RCOR1: variants seen among roughly 807,000 people sequenced by gnomAD.
RCOR1 encodes the protein REST corepressor.
RCOR1 carries 12 observed loss-of-function variants against 64.0 expected under a neutral mutation model. The observed-to-expected ratio is 0.19, with a 90% confidence interval of 0.12 to 0.30. The LOEUF (loss-of-function observed/expected upper bound fraction) is 0.30. RCOR1 is among the 10% of genes least tolerant of loss of function. RCOR1 has a pLI of 1.00. For missense variants in RCOR1, 502 were observed against 621.2 expected, an observed-to-expected ratio of 0.81 and a Z score of 2.04; for synonymous variants, 279 against 227.2, an observed-to-expected ratio of 1.23 and a Z score of -2.05.
Position 102,729,841 on chromosome 14 carries a change from A to G in RCOR1, c.*3335A>G, listed in dbSNP as rs1028462251. On this transcript the variant is annotated 3_prime_UTR_variant, in exon 12 of 12. Transcript: ENST00000262241. ...TGTGAGCTAAGGAAAGATGGAGCCA[A>G]CTCCAACGAGGGCCTCTTTTTCTCT... The G allele has an allele frequency of 3.8e-5, 15 of 398,862 alleles. No homozygotes were observed. Among genetic ancestry groups the G allele is most frequent in the Admixed American group, 3.1e-4 (7 of 22,706 alleles). The allele number at this position is 398,862 out of a possible 1,614,324, so 24.7% of individuals were successfully genotyped here. A position where few individuals can be genotyped will look rare whatever the true frequency, so the allele number is the denominator to read the frequency against.
intron 2 of RCOR1, chr14:102,662,530 A>G (rs1595218389): frequency 2.0e-6 from 1 of 500,790 alleles, no homozygotes; most frequent in Admixed American, 2.1e-5. Flanking sequence ...TCTTCTGAGG[A>G]TATTTGGGCT....
chr14:102,596,127 G>GT (rs900902788), intron 2 of RCOR1, among the ~76,000 whole-genome samples: 1 of 150,820 alleles, frequency 6.6e-6, no homozygotes, highest in Non-Finnish European at 1.5e-5. Flanking sequence ...TTAATACGGA[G>GT]TTTCACTCTT....
At chr14:102,677,813 G>A (rs1203872475) in intron 2 of RCOR1, among the ~76,000 whole-genome samples, 1 of 150,782 alleles carries the variant, frequency 6.6e-6, no homozygotes, top group Non-Finnish European at 1.5e-5. Flanking sequence ...GCTGGGCAGA[G>A]GCTGCAATCT....
intron 10 of RCOR1, 49 bp downstream of exon 10, chr14:102,721,426 C>CA: frequency 7.2e-7 from 1 of 1,395,858 alleles, no homozygotes; most frequent in Non-Finnish European, 1.0e-6. Context: ...TGTGGTGGCT[C>CA]ACACCTGTAA....
intron 3 of RCOR1, among the ~76,000 whole-genome samples, chr14:102,685,798 T>C (rs1052606850): frequency 6.6e-6 from 1 of 152,052 alleles, no homozygotes; most frequent in Non-Finnish European, 1.5e-5. Flanking sequence ...CCCATGTCTC[T>C]CAAAAAGTCC....
chr14:102,705,618 TGTTGTTGTTTGTTTGTTTTTC>T, intron 4 of RCOR1, among the ~76,000 whole-genome samples: 1 of 152,038 alleles, frequency 6.6e-6, no homozygotes, highest in South Asian at 2.1e-4. Flanking sequence ...CTGGCTAACT[TGTTGTTGTTTGTTTGTTTTTC>T]GTAGATTCAT....
intron 3 of RCOR1, among the ~76,000 whole-genome samples, chr14:102,685,155 T>C (rs953984968): frequency 1.7e-4 from 26 of 152,078 alleles, no homozygotes; most frequent in African/African-American, 6.3e-4. Flanking sequence ...TATAAAGTTA[T>C]GTTGTAATTA....
At chr14:102,722,586 G>T (rs971529771) in intron 11 of RCOR1, among the ~76,000 whole-genome samples, 170 bp downstream of exon 11, 1 of 152,200 alleles carries the variant, frequency 6.6e-6, no homozygotes, top group African/African-American at 2.4e-5. Flanking sequence ...TCCAGTTCTT[G>T]GTGCCTGTAT....
At chr14:102,650,581 T>C (rs1286354537) in intron 2 of RCOR1, among the ~76,000 whole-genome samples, 3 of 152,134 alleles carry the variant, frequency 2.0e-5, no homozygotes, top group African/African-American at 7.2e-5. Context: ...CCTTGGATGT[T>C]GGGAAAGGGA....
At chr14:102,677,838 G>A (rs1341417939) in intron 2 of RCOR1, among the ~76,000 whole-genome samples, 1 of 151,356 alleles carries the variant, frequency 6.6e-6, no homozygotes, top group Non-Finnish European at 1.5e-5. Context: ...ACTTTGGGGG[G>A]CCAAGGCAGG....
chr14:102,648,682 G>A (rs1244639938), intron 2 of RCOR1, among the ~76,000 whole-genome samples: 1 of 152,076 alleles, frequency 6.6e-6, no homozygotes, highest in Non-Finnish European at 1.5e-5. Flanking sequence ...TACCACAAAT[G>A]CCACCATTTT....
chr14:102,611,450 C>CT (rs1293526344), intron 2 of RCOR1, among the ~76,000 whole-genome samples: 1 of 151,928 alleles, frequency 6.6e-6, no homozygotes, highest in Non-Finnish European at 1.5e-5. Context: ...TTGCTTGATT[C>CT]TTTTTTTTCT....
chr14:102,691,317 G>GA (rs1895528379), intron 3 of RCOR1, among the ~76,000 whole-genome samples: 1 of 135,918 alleles, frequency 7.4e-6, no homozygotes, highest in African/African-American at 2.9e-5. Flanking sequence ...TACCTAGGAT[G>GA]GGGAGAGGTG....
intron 2 of RCOR1, chr14:102,662,185 A>AT (rs1211844615): frequency 9.4e-6 from 4 of 423,472 alleles, no homozygotes; most frequent in Middle Eastern, 8.8e-4. Flanking sequence ...TTTATTTTTT[A>AT]TTTTTTCTGG....
intron 2 of RCOR1, among the ~76,000 whole-genome samples, chr14:102,673,297 C>T (rs904245965): frequency 6.6e-6 from 1 of 150,534 alleles, no homozygotes; most frequent in Non-Finnish European, 1.5e-5. Flanking sequence ...ATATTTAATT[C>T]CCTTGAAGTC....
intron 2 of RCOR1, among the ~76,000 whole-genome samples, chr14:102,610,567 A>G (rs1214043284): frequency 6.6e-6 from 1 of 151,918 alleles, no homozygotes; most frequent in Admixed American, 6.6e-5. Flanking sequence ...TATTATTATT[A>G]TTTTTGTGTG....
chr14:102,679,501 CAG>C (rs1375369280), intron 2 of RCOR1, among the ~76,000 whole-genome samples: 1 of 147,576 alleles, frequency 6.8e-6, no homozygotes, highest in East Asian at 2.0e-4. Flanking sequence ...TTTTTTGAGA[CAG>C]AATCTCGCTC....
At chr14:102,623,379 A>C (rs1435127727) in intron 2 of RCOR1, among the ~76,000 whole-genome samples, 2 of 133,888 alleles carry the variant, frequency 1.5e-5, no homozygotes, top group South Asian at 2.2e-4. Context: ...TACTTCCTTT[A>C]TTTATTTATT....
At chr14:102,681,054 A>G (rs533163851) in intron 2 of RCOR1, among the ~76,000 whole-genome samples, 4 of 152,176 alleles carry the variant, frequency 2.6e-5, no homozygotes, top group Non-Finnish European at 5.9e-5. Flanking sequence ...TAAAGATGGG[A>G]GATCTGGTGG....
Sources: gnomAD v4.1 joint callset for allele counts (sites outside exome capture counted in the v4.1 genomes callset) on GRCh38, gnomAD v4.1.1 for gene constraint, MANE v1.5 for transcripts, NCBI Gene and HGNC (gene_info 2026-07-23, HGNC 2026-07-21) for gene names.